ZNF280B: variants seen among roughly 807,000 people sequenced by gnomAD.
The protein encoded by ZNF280B is zinc finger protein 280B.
ZNF280B carries 16 observed loss-of-function variants against 38.0 expected under a neutral mutation model. The ratio of observed to expected loss-of-function variants is 0.42; its 90% CI spans 0.28 to 0.64. The LOEUF (loss-of-function observed/expected upper bound fraction) is 0.64, where lower values mean the gene tolerates loss of function less well. Ranked by LOEUF, ZNF280B falls within the 30% of genes least tolerant of loss-of-function variation. The pLI is 0.21. For synonymous variants in ZNF280B, 253 were observed against 230.6 expected, an observed-to-expected ratio of 1.10 and a Z score of -0.88; for missense variants, 581 against 639.6, an observed-to-expected ratio of 0.91 and a Z score of 0.99.
chr22:22,497,735 A>G (rs2061730055), intron 2 of ZNF280B, among the ~76,000 whole-genome samples: 2 of 152,130 alleles, frequency 1.3e-5, no homozygotes, highest in South Asian at 2.1e-4. Flanking sequence ...AACACTAGCA[A>G]AAACTACAAA....
At chr22:22,505,962 T>C (rs1346015464) in intron 2 of ZNF280B, among the ~76,000 whole-genome samples, 2 of 151,796 alleles carry the variant, frequency 1.3e-5, no homozygotes, top group African/African-American at 4.8e-5. Flanking sequence ...TGAAATATTA[T>C]GAACAAAAGA....
chr22:22,506,574 G>T (rs1441749326), intron 2 of ZNF280B, among the ~76,000 whole-genome samples: 1 of 151,696 alleles, frequency 6.6e-6, no homozygotes, highest in Non-Finnish European at 1.5e-5. Context: ...TTTCCTGTAA[G>T]GACAAGCAAA....
At chr22:22,506,881 G>A (rs2061950036) in intron 2 of ZNF280B, among the ~76,000 whole-genome samples, 1 of 151,870 alleles carries the variant, frequency 6.6e-6, no homozygotes, top group South Asian at 2.1e-4. Context: ...CCTCCAAGAT[G>A]GCCCTAAATG....
chr22:22,507,503 G>A (rs1258862920), intron 2 of ZNF280B, among the ~76,000 whole-genome samples: 1 of 151,534 alleles, frequency 6.6e-6, no homozygotes, highest in Non-Finnish European at 1.5e-5. Context: ...CGCTGAGAAA[G>A]AGGGTAGGAT....
chr22:22,487,782 TGAAA>T lies in ZNF280B; in HGVS notation c.1613_1616del (p.Ile538LysfsTer50), dbSNP rs1300050131. On this transcript the variant is annotated frameshift_variant, in exon 4 of 4. Transcript: ENST00000626650. LOFTEE classifies it high-confidence loss of function. ...GAAACTAGAATTAATGGGACTTTTT[TGAAA>T]TTTTGCTTTTAGACCTGGGGAGTGA... The T allele has an allele frequency of 1.9e-5, 30 of 1,573,428 alleles. No homozygotes were observed. In the Admixed American group the frequency reaches 2.8e-4, roughly 15 times the overall value.
At chr22:22,500,932 A>G (rs1333366001) in intron 2 of ZNF280B, among the ~76,000 whole-genome samples, 2 of 150,418 alleles carry the variant, frequency 1.3e-5, no homozygotes, top group African/African-American at 4.9e-5. Context: ...AGGCAGAAGA[A>G]TCCCCTGAAT....
At chr22:22,492,842 C>T (rs1200393030) in intron 3 of ZNF280B, among the ~76,000 whole-genome samples, 6 of 150,358 alleles carry the variant, frequency 4.0e-5, no homozygotes, top group South Asian at 4.2e-4. Flanking sequence ...GCCAAGACCA[C>T]GTCACTGCAC....
intron 2 of ZNF280B, among the ~76,000 whole-genome samples, chr22:22,505,666 G>A (rs910973977): frequency 1.3e-5 from 2 of 151,756 alleles, no homozygotes; most frequent in Non-Finnish European, 2.9e-5. Flanking sequence ...AGGCTGAGGA[G>A]GAGAATCACT....
chr22:22,503,077 G>C (rs758335639), intron 2 of ZNF280B, among the ~76,000 whole-genome samples: 16 of 152,002 alleles, frequency 1.1e-4, no homozygotes, highest in Admixed American at 2.0e-4. Context: ...TTCTCCGCTA[G>C]AGTTTCCCAG....
intron 3 of ZNF280B, among the ~76,000 whole-genome samples, chr22:22,490,638 T>C (rs1445613296): frequency 6.6e-6 from 1 of 151,888 alleles, no homozygotes; most frequent in African/African-American, 2.4e-5. Flanking sequence ...CAGCTAATTT[T>C]TGTATTTTCA....
intron 2 of ZNF280B, among the ~76,000 whole-genome samples, chr22:22,498,965 T>C (rs1279726858): frequency 6.6e-6 from 1 of 151,156 alleles, no homozygotes; most frequent in African/African-American, 2.4e-5. Context: ...GCCCAGCTAA[T>C]TTTTTTGTAT....
At chr22:22,501,875 TAG>T (rs759949335) in intron 2 of ZNF280B, among the ~76,000 whole-genome samples, 5 of 151,744 alleles carry the variant, frequency 3.3e-5, no homozygotes, top group Non-Finnish European at 7.4e-5. Context: ...CCGGGCGTGG[TAG>T]AGTGTGCCCG....
At chr22:22,498,635 G>A (rs1008901851) in intron 2 of ZNF280B, among the ~76,000 whole-genome samples, 15 of 151,578 alleles carry the variant, frequency 9.9e-5, no homozygotes, top group African/African-American at 3.6e-4. Context: ...AATTCTTAAC[G>A]TTTTTAAAAG....
chr22:22,484,525 T>C lies in ZNF280B; in HGVS notation c.*3242A>G, dbSNP rs371261155. 3.9e-5 allele frequency: 6 copies of C among 152,330 alleles called. No individual in the cohort carries two copies. Among genetic ancestry groups the C allele is most frequent in the South Asian group, 4.2e-4 (2 of 4,814 alleles). The allele number at this position is 152,330 out of a possible 1,614,324, so 9.4% of individuals were successfully genotyped here. On this transcript the variant is annotated 3_prime_UTR_variant, in exon 4 of 4. Transcript: ENST00000626650. ...CACCTGAAAGAACAAGCGAGCAAAA[T>C]AGACAAGGAAATTCACAAAGGGCAA...
intron 1 of ZNF280B, among the ~76,000 whole-genome samples, chr22:22,508,374 C>T (rs2061982531): frequency 6.6e-6 from 1 of 151,910 alleles, no homozygotes; most frequent in Admixed American, 6.6e-5. Flanking sequence ...GGCCCCTTCT[C>T]CAGGAGGCCC....
intron 1 of ZNF280B, among the ~76,000 whole-genome samples, chr22:22,508,243 G>A (rs1032294435): frequency 9.2e-5 from 14 of 151,916 alleles, no homozygotes; most frequent in African/African-American, 3.1e-4. Flanking sequence ...GGGCCTACAG[G>A]TCTCCAGAAC....
At chr22:22,489,646 C>CT (rs951485070) in intron 3 of ZNF280B, among the ~76,000 whole-genome samples, 180 bp from the exon 4 acceptor site, 2 of 151,368 alleles carry the variant, frequency 1.3e-5, no homozygotes, top group African/African-American at 4.9e-5. Flanking sequence ...AGAATCATAA[C>CT]TTTGCTGTAC....
chr22:22,504,408 C>A (rs1196585154), intron 2 of ZNF280B, among the ~76,000 whole-genome samples: 3 of 147,980 alleles, frequency 2.0e-5, no homozygotes, highest in African/African-American at 7.5e-5. Context: ...GCCTGGACAA[C>A]ACAGCAAGAC....
intron 2 of ZNF280B, among the ~76,000 whole-genome samples, chr22:22,500,320 G>A (rs1325784151): frequency 6.6e-6 from 1 of 151,556 alleles, no homozygotes; most frequent in African/African-American, 2.4e-5. Flanking sequence ...TAGCCAAGGG[G>A]TAGAAGCAAC....
Sources: gnomAD v4.1 joint callset for allele counts (sites outside exome capture counted in the v4.1 genomes callset) on GRCh38, gnomAD v4.1.1 for gene constraint, MANE v1.5 for transcripts, NCBI Gene and HGNC (gene_info 2026-07-23, HGNC 2026-07-21) for gene names.